The following SLC25A30 variants were observed in gnomAD, a reference collection of about 807,000 sequenced individuals.
SLC25A30 encodes the protein kidney mitochondrial carrier protein 1.
A neutral mutation model predicts 42.7 loss-of-function variants in SLC25A30; 29 were observed. That is an observed-to-expected ratio of 0.68 (90% confidence interval 0.51 to 0.93). SLC25A30 has a LOEUF of 0.93. Among genes scored for constraint, SLC25A30 ranks in the 40% least tolerant of loss-of-function variants. SLC25A30 has a pLI of 0.00. For missense variants in SLC25A30, 300 were observed against 359.7 expected, an observed-to-expected ratio of 0.83 and a Z score of 1.34; for synonymous variants, 124 against 131.0, an observed-to-expected ratio of 0.95 and a Z score of 0.37.
upstream of SLC25A30, among the ~76,000 whole-genome samples, chr13:45,421,309 G>A (rs1422321628): frequency 6.9e-6 from 1 of 144,150 alleles, no homozygotes; most frequent in Admixed American, 7.4e-5. Context: ...AACCTGGGAA[G>A]CAGAGGTTGC....
intron 1 of SLC25A30, chr13:45,411,945 CAA>C (rs34248795): frequency 0.22 from 20,125 of 92,206 alleles, 1,748 homozygotes; most frequent in Middle Eastern, 0.34. Flanking sequence ...CACCCTGTGT[CAA>C]AAAAAAAAAA....
At chr13:45,402,229 G>A in intron 6 of SLC25A30, 46 bp downstream of exon 6, 2 of 1,468,030 alleles carry the variant, frequency 1.4e-6, no homozygotes, top group South Asian at 1.2e-5. Flanking sequence ...TTCAAAAAAG[G>A]AAAAAAGAAC....
chr13:45,428,542 A>C, the SLC25A30 span, among the ~76,000 whole-genome samples: 1 of 39,084 alleles, frequency 2.6e-5, no homozygotes, highest in Non-Finnish European at 4.8e-5. Context: ...TTTTTTTTTG[A>C]GACGGAGTCC....
upstream of SLC25A30, among the ~76,000 whole-genome samples, chr13:45,421,105 G>A (rs1018043209): frequency 6.6e-6 from 1 of 152,002 alleles, no homozygotes; most frequent in Non-Finnish European, 1.5e-5. Flanking sequence ...AAGGCCAGGC[G>A]TGGTGGCTCA....
At chr13:45,423,972 TAACA>T in the SLC25A30 span, among the ~76,000 whole-genome samples, 3 of 77,604 alleles carry the variant, frequency 3.9e-5, no homozygotes, top group African/African-American at 1.6e-4. Flanking sequence ...TATAAACATA[TAACA>T]ATATATATTT....
chr13:45,408,183 A>G (rs531537994), intron 3 of SLC25A30, among the ~76,000 whole-genome samples: 2 of 152,306 alleles, frequency 1.3e-5, no homozygotes, highest in African/African-American at 4.8e-5. Context: ...GCACACACAT[A>G]TACTATGTGA....
chr13:45,398,662 G>C (rs1257384368), intron 8 of SLC25A30: 1 of 269,872 alleles, frequency 3.7e-6, no homozygotes, highest in Non-Finnish European at 7.0e-6. Context: ...ATACTAGTTT[G>C]ACCCAACAGG....
intron 7 of SLC25A30, among the ~76,000 whole-genome samples, 181 bp downstream of exon 7, chr13:45,400,901 GA>G (rs1273479892): frequency 4.6e-5 from 7 of 152,168 alleles, no homozygotes; most frequent in Non-Finnish European, 8.8e-5. Flanking sequence ...CATACACGTA[GA>G]AAACGCCTGG....
At chr13:45,425,386 A>T in the SLC25A30 span, among the ~76,000 whole-genome samples, 1 of 111,958 alleles carries the variant, frequency 8.9e-6, no homozygotes, top group Non-Finnish European at 1.6e-5. Context: ...ATAAGTATAT[A>T]TGAAAATATA....
chr13:45,406,991 G>A (rs1882572032), intron 3 of SLC25A30, among the ~76,000 whole-genome samples: 1 of 152,212 alleles, frequency 6.6e-6, no homozygotes, highest in South Asian at 2.1e-4. Context: ...GCCAGGCACG[G>A]TGGCTCATGC....
chr13:45,394,164 G>A lies in SLC25A30; in HGVS notation c.*1810C>T, dbSNP rs1250517539. 2.0e-6 allele frequency: 2 copies of A among 985,202 alleles called. No homozygotes were observed. The highest frequency in any genetic ancestry group is 2.4e-6 in the Non-Finnish European group (2 of 829,912). 61.0% of individuals were successfully genotyped at this position (985,202 alleles called of 1,614,324 possible). On this transcript the variant is annotated 3_prime_UTR_variant, in exon 10 of 10. Transcript: ENST00000519676. ...GCCTGAATGAGCTCTGGGGTCCTCT[G>A]CTGCCCTCTAGGGTTGCCCAGGGAG... is the stretch of plus-strand genomic sequence containing the variant.
chr13:45,424,843 TATATATAAATATATATATAAAA>T, the SLC25A30 span, among the ~76,000 whole-genome samples: 1 of 51,440 alleles, frequency 1.9e-5, no homozygotes, highest in African/African-American at 8.5e-5. Context: ...TATATAAAAA[TATATATAAATATATATATAAAA>T]ATATATATAA....
At chr13:45,427,901 T>A in the SLC25A30 span, among the ~76,000 whole-genome samples, 1 of 150,956 alleles carries the variant, frequency 6.6e-6, no homozygotes, top group Non-Finnish European at 1.5e-5. Flanking sequence ...GCGTCACCAC[T>A]CCGGATAATT....
chr13:45,411,046 C>T (rs1327867394), intron 2 of SLC25A30, among the ~76,000 whole-genome samples: 1 of 151,938 alleles, frequency 6.6e-6, no homozygotes, highest in Non-Finnish European at 1.5e-5. Flanking sequence ...CTCAAGCAAT[C>T]CTCCCACCTC....
the SLC25A30 span, among the ~76,000 whole-genome samples, chr13:45,426,969 C>A: frequency 1.3e-5 from 2 of 151,952 alleles, no homozygotes; most frequent in East Asian, 3.9e-4. Context: ...TTTAGCTCGT[C>A]GTTTCTATAT....
At chr13:45,427,073 A>G in the SLC25A30 span, among the ~76,000 whole-genome samples, 1 of 152,106 alleles carries the variant, frequency 6.6e-6, no homozygotes, top group Non-Finnish European at 1.5e-5. Flanking sequence ...AAAAATCAGG[A>G]CATTAATGAG....
the SLC25A30 span, among the ~76,000 whole-genome samples, chr13:45,430,291 G>A: frequency 4.6e-5 from 7 of 151,998 alleles, no homozygotes; most frequent in Admixed American, 3.3e-4. Flanking sequence ...TGAGTGATAG[G>A]AGTAAAGAGT....
chr13:45,411,543 A>C, intron 1 of SLC25A30, 63 bp from the exon 2 acceptor site: 1 of 1,022,072 alleles, frequency 9.8e-7, no homozygotes, highest in Non-Finnish European at 1.5e-6. Context: ...TCTTCTCCAA[A>C]CTCTTCCCCT....
the SLC25A30 span, among the ~76,000 whole-genome samples, chr13:45,425,352 A>G: frequency 2.5e-4 from 27 of 109,464 alleles, no homozygotes; most frequent in African/African-American, 9.2e-4. Context: ...ATATAACTAT[A>G]TGTAAGTATA....
Sources: gnomAD v4.1 joint callset for allele counts (sites outside exome capture counted in the v4.1 genomes callset) on GRCh38, gnomAD v4.1.1 for gene constraint, MANE v1.5 for transcripts, NCBI Gene and HGNC (gene_info 2026-07-23, HGNC 2026-07-21) for gene names.